PPFIA1: variants seen among roughly 807,000 people sequenced by gnomAD.
PPFIA1 encodes the protein liprin-alpha-1.
Under a neutral mutation model 149.9 loss-of-function variants are expected in PPFIA1, and 25 were observed. The ratio of observed to expected loss-of-function variants is 0.17; its 90% CI spans 0.12 to 0.23. The LOEUF (loss-of-function observed/expected upper bound fraction) is 0.23, where lower values mean the gene tolerates loss of function less well. Among genes scored for constraint, PPFIA1 ranks in the 10% least tolerant of loss-of-function variants. The pLI is 1.00. For missense variants in PPFIA1, 1,362 were observed against 1,506.5 expected, an observed-to-expected ratio of 0.90 and a Z score of 1.59; for synonymous variants, 549 against 552.8, an observed-to-expected ratio of 0.99 and a Z score of 0.10.
At chr11:70,338,883 G>C (rs1489725893) in intron 13 of PPFIA1, among the ~76,000 whole-genome samples, 1 of 152,232 alleles carries the variant, frequency 6.6e-6, no homozygotes, top group African/African-American at 2.4e-5. Context: ...CCTGGACCCA[G>C]AGGAGGGGTC....
Position 70,364,206 on chromosome 11 carries a change from G to A in PPFIA1, c.2865+1718G>A, listed in dbSNP as rs374064391. 3.7e-4 allele frequency: 56 copies of A among 152,298 alleles called. 1 individual carries two copies. The highest frequency in any genetic ancestry group is 1.3e-3 in the African/African-American group (54 of 41,542). 9.4% of individuals were successfully genotyped at this position (152,298 alleles called of 1,614,324 possible). Reference sequence around the variant, plus strand: ...CCATTTGGGGAGCTAAAGACCCTGGGAGCTCAGGATTTCAAGCAGTTCACA... The same window carrying A: ...CCATTTGGGGAGCTAAAGACCCTGGAAGCTCAGGATTTCAAGCAGTTCACA... On this transcript the variant is annotated intron_variant, in intron 21 of 27. Transcript: ENST00000253925.
chr11:70,346,014 G>T (rs750853604), intron 15 of PPFIA1: 1 of 449,022 alleles, frequency 2.2e-6, no homozygotes, highest in Non-Finnish European at 4.5e-6. Flanking sequence ...TTGCAGGTTT[G>T]AATCTTTCTT....
intron 2 of PPFIA1, among the ~76,000 whole-genome samples, chr11:70,280,030 C>G (rs1189726052): frequency 6.6e-6 from 1 of 150,698 alleles, no homozygotes; most frequent in Non-Finnish European, 1.5e-5. Context: ...CACCTCAGCT[C>G]CTGAGTAGCA....
intron 24 of PPFIA1, 88 bp downstream of exon 24, chr11:70,375,181 T>TAAAAAAAA: frequency 7.1e-6 from 1 of 141,330 alleles, no homozygotes; most frequent in Non-Finnish European, 1.1e-5. Flanking sequence ...AAAGAAACTT[T>TAAAAAAAA]AAAAAAAAAA....
At chr11:70,382,732 T>C (rs1420002177) in intron 27 of PPFIA1, among the ~76,000 whole-genome samples, 1 of 152,190 alleles carries the variant, frequency 6.6e-6, no homozygotes, top group Non-Finnish European at 1.5e-5. Flanking sequence ...TCCGTTGGAA[T>C]ATTTGACTGG....
chr11:70,314,056 A>G (rs1039117775), intron 2 of PPFIA1, among the ~76,000 whole-genome samples: 1 of 152,192 alleles, frequency 6.6e-6, no homozygotes, highest in Non-Finnish European at 1.5e-5. Flanking sequence ...GCATTTGCCT[A>G]GGGTAGGTGA....
At chr11:70,363,714 G>C (rs574214528) in intron 21 of PPFIA1, among the ~76,000 whole-genome samples, 2 of 152,188 alleles carry the variant, frequency 1.3e-5, no homozygotes, top group African/African-American at 4.8e-5. Flanking sequence ...GGGTCTTGCT[G>C]TGTTGACCAG....
At chr11:70,370,031 C>T (rs1421355987) in intron 21 of PPFIA1, among the ~76,000 whole-genome samples, 1 of 151,862 alleles carries the variant, frequency 6.6e-6, no homozygotes, top group Non-Finnish European at 1.5e-5. Flanking sequence ...CAGCTCACTG[C>T]ACCTCCGCCT....
chr11:70,316,749 C>A (rs2053655707), intron 2 of PPFIA1, among the ~76,000 whole-genome samples: 1 of 152,156 alleles, frequency 6.6e-6, no homozygotes, highest in Admixed American at 6.5e-5. Context: ...TTCAAGCCAT[C>A]GGAATGACGG....
At chr11:70,325,609 G>A (rs2054218104) in intron 5 of PPFIA1, 35 bp downstream of exon 5, 17 of 1,447,130 alleles carry the variant, frequency 1.2e-5, no homozygotes, top group Non-Finnish European at 1.6e-5. Context: ...TTGAATTGGG[G>A]GGGGGTTATT....
rs766073824 is a variant in PPFIA1, at chr11:70,326,763, A to G, written c.875A>G (p.Lys292Arg). 39 of 1,614,104 alleles carry G rather than the reference A, an allele frequency of 2.4e-5. No individual in the cohort carries two copies. Among genetic ancestry groups the G allele is most frequent in the Non-Finnish European group, 3.1e-5 (37 of 1,180,054 alleles). ...ELEEDLDTAR[K>R]DLIKSEEMNT... The stretch of plus-strand genomic sequence containing the variant: ...GAAGAGGATCTGGACACGGCTAGAA[A>G]AGATCTCATCAAATCTGAAGAAATG... Residue 292 changes from lysine to arginine, a missense_variant, in exon 7 of 28, where the codon AAA (lysine) becomes AGA (arginine). Lys to Arg is a conservative substitution (Grantham distance 26). This residue lies in a region of PPFIA1 where 733 missense variants were observed against 744.1 expected (regional missense o/e 0.99). Transcript: ENST00000253925.
intron 16 of PPFIA1, among the ~76,000 whole-genome samples, chr11:70,349,266 C>G (rs2055904814): frequency 6.6e-6 from 1 of 152,028 alleles, no homozygotes; most frequent in South Asian, 2.1e-4. Context: ...AGGGTCACCT[C>G]TCACCTGGAA....
intron 2 of PPFIA1, chr11:70,279,303 A>G (rs2050598611): frequency 1.3e-5 from 3 of 231,386 alleles, no homozygotes; most frequent in South Asian, 1.2e-4. Context: ...GCCATTTTCA[A>G]TTCTGCTGAA....
chr11:70,305,061 C>A (rs2052755952), intron 2 of PPFIA1, among the ~76,000 whole-genome samples: 1 of 152,146 alleles, frequency 6.6e-6, no homozygotes, highest in Admixed American at 6.6e-5. Flanking sequence ...AGCATGGTGG[C>A]AGTTTGTGAG....
rs770343166 is a variant in PPFIA1 at position 70,362,107 on chromosome 11, G to A, written c.2595G>A (p.Leu865=). 57 of 1,614,084 alleles carry A rather than the reference G, an allele frequency of 3.5e-5. No homozygotes were observed. The highest frequency in any genetic ancestry group is 4.8e-5 in the Non-Finnish European group (57 of 1,179,976). ...NRKLQKKHEL[L]EEARRQGLPF... ...TTCTCCTTTATAGGCATGAATTGCT[G>A]GAGGAAGCCCGGAGACAAGGTTTAC... Residue 865 remains leucine, a synonymous_variant, in exon 20 of 28, where the codon CTG becomes CTA. Coordinates refer to ENST00000253925, the MANE Select transcript of PPFIA1 (RefSeq NM_003626.5).
At chr11:70,322,107 G>A (rs986813987) in intron 2 of PPFIA1, among the ~76,000 whole-genome samples, 3 of 152,198 alleles carry the variant, frequency 2.0e-5, no homozygotes, top group African/African-American at 7.2e-5. Flanking sequence ...TCGAACTCCC[G>A]ACCTCAGGTG....
chr11:70,337,944 C>T (rs1473516393), intron 12 of PPFIA1, among the ~76,000 whole-genome samples: 1 of 152,182 alleles, frequency 6.6e-6, no homozygotes, highest in Non-Finnish European at 1.5e-5. Flanking sequence ...CAGTGTTGGA[C>T]AGCACAGCTC....
At position 70,354,386 on chromosome 11, in the gene PPFIA1, G is replaced by T. The variant is rs142586381; in HGVS notation, c.2249G>T (p.Arg750Leu). The change falls in exon 17 of 28, where the codon CGG becomes CTG. Residue 750 changes from arginine to leucine, a missense_variant. Transcript: ENST00000253925. ...CCGCCTTCCTCCCCGAGAGCCCTTC[G>T]GTTAGACCGGCTGCACAAAGGGGCG... is the stretch of plus-strand genomic sequence containing the variant. ...TSPPSSPRAL[R>L]LDRLHKGALH... The T allele has an allele frequency of 9.1e-5, 147 of 1,614,016 alleles. No homozygotes were observed. In the African/African-American group the frequency reaches 1.5e-3, roughly 16 times the overall value.
intron 21 of PPFIA1, chr11:70,371,859 T>G (rs1283565431): frequency 6.1e-6 from 1 of 164,556 alleles, no homozygotes; most frequent in African/African-American, 2.4e-5. Flanking sequence ...GTGAGCAGTG[T>G]TGAATTGAGC....
Sources: gnomAD v4.1 joint callset for allele counts (sites outside exome capture counted in the v4.1 genomes callset) on GRCh38, gnomAD v4.1.1 for gene constraint, gnomAD v4.1.1 regional missense constraint, MANE v1.5 for transcripts, NCBI Gene and HGNC (gene_info 2026-07-23, HGNC 2026-07-21) for gene names.